Variants in DDX43 observed in about 807,000 individuals in gnomAD.
DDX43 encodes the protein probable ATP-dependent RNA helicase DDX43.
DDX43 carries 50 observed loss-of-function variants against 84.9 expected under a neutral mutation model. That is an observed-to-expected ratio of 0.59 (90% CI 0.47 to 0.75). DDX43 has a LOEUF of 0.75. Among genes scored for constraint, DDX43 ranks in the 30% least tolerant of loss-of-function variants. The probability of loss-of-function intolerance (pLI) is 0.00; values close to 1 mark genes in which losing one functional copy is unlikely to be tolerated. For synonymous variants in DDX43, 291 were observed against 266.3 expected (o/e 1.09, Z -0.90); for missense variants, 689 against 798.6 (o/e 0.86, Z 1.65).
Position 73,407,570 on chromosome 6 carries a change from A to C in DDX43, c.992A>C (p.Gln331Pro). Residue 331 changes from glutamine to proline, a missense_variant, in exon 8 of 17, where the codon CAA becomes CCA. This residue lies in a region of DDX43 where 552 missense variants were observed against 692.7 expected (regional missense o/e 0.80). Transcript: ENST00000370336. Reference sequence around the variant, plus strand: ...ACTCCCACTCGGGAATTAGCACTTCAAGTAGAAGGAGAATGTTGCAAATAT... The same window carrying C: ...ACTCCCACTCGGGAATTAGCACTTCCAGTAGAAGGAGAATGTTGCAAATAT... ...VLTPTRELAL[Q>P]VEGECCKYSY... 2.4e-5 allele frequency: 38 copies of C among 1,614,074 alleles called. No homozygotes were observed. Among genetic ancestry groups the C allele is most frequent in the Non-Finnish European group, 3.1e-5 (37 of 1,179,918 alleles).
In DDX43 at chr6:73,416,098, G is replaced by C; in HGVS notation, c.1834-15G>C. Reference sequence around the variant, plus strand: ...GAACTCAGAATCCTAATAACAACACGTTGAATAATTTCAGAGTATTCCAGA... The same window carrying C: ...GAACTCAGAATCCTAATAACAACACCTTGAATAATTTCAGAGTATTCCAGA... On this transcript the variant is annotated splice_polypyrimidine_tract_variant and intron_variant, in intron 15 of 16. Coordinates refer to ENST00000370336, the MANE Select transcript of DDX43 (RefSeq NM_018665.3). 1 of 1,316,220 alleles carries C rather than the reference G, an allele frequency of 7.6e-7. No individual in the cohort carries two copies. Among genetic ancestry groups the C allele is most frequent in the South Asian group, 1.2e-5 (1 of 83,154 alleles). The allele number at this position is 1,316,220 out of a possible 1,614,324, so 81.5% of individuals were successfully genotyped here. A position where few individuals can be genotyped will look rare whatever the true frequency, so the allele number is the denominator to read the frequency against.
chr6:73,395,507 C>T (rs892070128), intron 1 of DDX43, among the ~76,000 whole-genome samples: 1 of 151,530 alleles, frequency 6.6e-6, no homozygotes, highest in Non-Finnish European at 1.5e-5. Context: ...CCAGATACTC[C>T]GGAGGCTGAG....
At chr6:73,412,534 G>A (rs1769807151) in intron 11 of DDX43, among the ~76,000 whole-genome samples, 1 of 151,570 alleles carries the variant, frequency 6.6e-6, no homozygotes, top group Admixed American at 6.6e-5. Context: ...GTGTGTGTGT[G>A]TGTTTGTGTC....
rs1163317093 is a variant in DDX43 at position 73,407,562 on chromosome 6, A to G, written c.984A>G (p.Leu328=). Residue 328 remains leucine, a synonymous_variant, in exon 8 of 17, where the codon TTA becomes TTG. Coordinates refer to ENST00000370336, the MANE Select transcript of DDX43 (RefSeq NM_018665.3). ...GMLVLTPTRE[L]ALQVEGECCK... is the part of the protein sequence containing the mutation. ...TAGTTCTAACTCCCACTCGGGAATT[A>G]GCACTTCAAGTAGAAGGAGAATGTT... is the stretch of plus-strand genomic sequence containing the variant. 3.1e-6 allele frequency: 5 copies of G among 1,614,126 alleles called. 1 individual carries two copies. In the South Asian group the frequency reaches 5.5e-5, roughly 18 times the overall value.
intron 15 of DDX43, among the ~76,000 whole-genome samples, chr6:73,415,863 T>C (rs1400690229): frequency 1.3e-5 from 2 of 152,150 alleles, no homozygotes; most frequent in East Asian, 1.9e-4. Flanking sequence ...GGGGAACATA[T>C]TCAGGCTCAG....
intron 9 of DDX43, among the ~76,000 whole-genome samples, chr6:73,408,771 G>T (rs867909860): frequency 5.9e-5 from 9 of 152,102 alleles, no homozygotes; most frequent in Non-Finnish European, 1.0e-4. Flanking sequence ...GGCCAGGCTG[G>T]TCTTAAACTC....
chr6:73,395,185 A>G (rs779358460), intron 1 of DDX43, 30 bp downstream of exon 1: 2 of 1,579,520 alleles, frequency 1.3e-6, no homozygotes, highest in Admixed American at 3.8e-5. Flanking sequence ...GCAGGGCAGG[A>G]TAGGTGGGGC....
chr6:73,405,392 T>G lies in DDX43; in HGVS notation c.651-287T>G, dbSNP rs182776755. 2.0e-5 allele frequency among the ~76,000 whole-genome samples: 3 copies of G among 152,282 alleles called. No individual in the cohort carries two copies. The East Asian group carries it at 5.8e-4, about 29-fold the overall frequency. The stretch of plus-strand genomic sequence containing the variant: ...GGCCCTCAATGTTTGCCAAATCTGG[T>G]TTTAATTTATGAAGCATGATTTTCA... On this transcript the variant is annotated intron_variant, in intron 5 of 16. Coordinates refer to ENST00000370336, the MANE Select transcript of DDX43 (RefSeq NM_018665.3).
In DDX43 at chr6:73,412,676, C is replaced by CGT. The variant is rs1404894168; in HGVS notation, c.1368+385_1368+386insTG. Reference sequence around the variant, plus strand: ...GTGTGTGTGTGTGTGTGTGCGCGCGCGCGTGTGTGTGTGTGCGCGTGCGTG... The same window carrying CGT: ...GTGTGTGTGTGTGTGTGTGCGCGCGCGTGCGTGTGTGTGTGTGCGCGTGCGTG... On this transcript the variant is annotated intron_variant, in intron 11 of 16. Coordinates refer to ENST00000370336, the MANE Select transcript of DDX43 (RefSeq NM_018665.3). Among the ~76,000 whole-genome samples the CGT allele has an allele frequency of 2.1e-3, 133 of 62,598 alleles. 1 individual carries two copies. Among genetic ancestry groups the CGT allele is most frequent in the African/African-American group, 4.3e-3 (87 of 20,200 alleles). The allele number at this position is 62,598 out of a possible 152,430, so 41.1% of individuals were successfully genotyped here.
chr6:73,395,096 G>A lies in DDX43; in HGVS notation c.191G>A (p.Gly64Asp). The change falls in exon 1 of 17, where the codon GGT (glycine) becomes GAT (aspartate). Residue 64 changes from glycine to aspartate, a missense_variant. By Grantham distance (94) the Gly-to-Asp change is moderately conservative (BLOSUM62 -1). Coordinates refer to ENST00000370336, the MANE Select transcript of DDX43 (RefSeq NM_018665.3). ...TSRPPEAVAA[G>D]HEELPLCFAL... ...AGGCCCCCGGAGGCCGTGGCCGCTG[G>A]TCACGAGGAACTGCCGCTGTGTTTT... 6.2e-7 allele frequency: 1 copy of A among 1,614,186 alleles called. No individual in the cohort carries two copies. The highest frequency in any genetic ancestry group is 1.1e-5 in the South Asian group (1 of 91,090).
intron 11 of DDX43, 68 bp from the exon 12 acceptor site, chr6:73,413,590 A>AGCG: frequency 6.9e-7 from 1 of 1,459,236 alleles, no homozygotes; most frequent in East Asian, 2.4e-5. Context: ...ATGCATTTTG[A>AGCG]GCTGATGTAT....
intron 9 of DDX43, among the ~76,000 whole-genome samples, chr6:73,408,786 C>G (rs1769730796): frequency 6.6e-6 from 1 of 152,104 alleles, no homozygotes; most frequent in African/African-American, 2.4e-5. Flanking sequence ...AAACTCCTAA[C>G]CTCAGGTGAT....
In DDX43 at chr6:73,405,798, T is replaced by A; in HGVS notation, c.770T>A (p.Ile257Asn). The A allele has an allele frequency of 4.3e-6, 7 of 1,614,100 alleles. No homozygotes were observed. Among genetic ancestry groups the A allele is most frequent in the Non-Finnish European group, 5.9e-6 (7 of 1,180,002 alleles). Residue 257 changes from isoleucine (I) to asparagine (N), a missense_variant, in exon 6 of 17, where the codon ATT becomes AAT. Physicochemically the swap from Ile to Asn is moderately radical, Grantham distance 149 (BLOSUM62 -3). Transcript: ENST00000370336. The stretch of plus-strand genomic sequence containing the variant: ...TGTTATCCTGAGGTTATGGAAAACA[T>A]TAAAAAGGCAGGTTTTCAAAAGCCA... ...FQCYPEVMEN[I>N]KKAGFQKPTP...
At position 73,394,939 on chromosome 6, in the gene DDX43, A is replaced by C. The variant is rs1769431775; in HGVS notation, c.34A>C (p.Thr12Pro). 1 of 1,614,116 alleles carries C rather than the reference A, an allele frequency of 6.2e-7. No individual in the cohort carries two copies. The highest frequency in any genetic ancestry group is 8.5e-7 in the Non-Finnish European group (1 of 1,180,046). ...SHHGGAPKAS[T>P]WVVASRRSST... ...CCACGGAGGAGCTCCCAAGGCCTCT[A>C]CGTGGGTCGTTGCTAGTCGGCGAAG... Residue 12 changes from threonine (T) to proline (P), a missense_variant, in exon 1 of 17, where the codon ACG (threonine) becomes CCG (proline). Thr to Pro is a conservative substitution (Grantham distance 38, BLOSUM62 -1). Transcript: ENST00000370336.
rs1020695112 is a variant in DDX43, at chr6:73,417,544, T to C, written c.*383T>C. On this transcript the variant is annotated 3_prime_UTR_variant, in exon 17 of 17. Coordinates refer to ENST00000370336, the MANE Select transcript of DDX43 (RefSeq NM_018665.3). ...CACCTGAAAAAATACTGTTAATAAA[T>C]GTTCGTTTCTGTGATAAAAAGACAA... 1 of 152,216 alleles carries C rather than the reference T, an allele frequency of 6.6e-6. No homozygotes were observed. Among genetic ancestry groups the C allele is most frequent in the Non-Finnish European group, 1.5e-5 (1 of 68,040 alleles). The allele number at this position is 152,216 out of a possible 1,614,324, so 9.4% of individuals were successfully genotyped here.
Position 73,405,852 on chromosome 6 carries a change from T to G in DDX43, c.807+17T>G. On this transcript the variant is annotated intron_variant, in intron 6 of 16. Coordinates refer to ENST00000370336, the MANE Select transcript of DDX43 (RefSeq NM_018665.3). ...CCTATTCAGGTATGCTTTCATTAATTACAATATTTCACTCAATGTTTTTCT... is the reference window on the plus strand; with the variant it reads ...CCTATTCAGGTATGCTTTCATTAATGACAATATTTCACTCAATGTTTTTCT... 1 of 1,609,314 alleles carries G rather than the reference T, an allele frequency of 6.2e-7. No individual in the cohort carries two copies.
intron 2 of DDX43, among the ~76,000 whole-genome samples, chr6:73,399,065 C>T (rs562254035): frequency 6.6e-6 from 1 of 152,296 alleles, no homozygotes; most frequent in East Asian, 1.9e-4. Context: ...CCTGCCTCAG[C>T]TTCCAGAGTA....
intron 13 of DDX43, 115 bp downstream of exon 13, chr6:73,414,194 T>C: frequency 3.0e-6 from 2 of 666,530 alleles, no homozygotes; most frequent in Non-Finnish European, 5.3e-6. Context: ...CCTCACCTTC[T>C]GTATCCTACA....
intron 1 of DDX43, among the ~76,000 whole-genome samples, chr6:73,395,613 CAATT>C (rs1349647785): frequency 7.1e-6 from 1 of 140,238 alleles, no homozygotes; most frequent in Non-Finnish European, 1.5e-5. Flanking sequence ...GACTCCGTCT[CAATT>C]AAAAAAAAAA....
Sources: gnomAD v4.1 joint callset for allele counts (sites outside exome capture counted in the v4.1 genomes callset) on GRCh38, gnomAD v4.1.1 for gene constraint, gnomAD v4.1.1 regional missense constraint, MANE v1.5 for transcripts, NCBI Gene and HGNC (gene_info 2026-07-23, HGNC 2026-07-21) for gene names.